RUNDC3B: variants seen among roughly 807,000 people sequenced by gnomAD.
RUNDC3B encodes RUN domain-containing protein 3B.
Under a neutral mutation model 58.4 loss-of-function variants are expected in RUNDC3B, and 33 were observed. That is an observed-to-expected ratio of 0.56 (90% confidence interval 0.43 to 0.75). The LOEUF (loss-of-function observed/expected upper bound fraction) is 0.75, where lower values mean the gene tolerates loss of function less well. Ranked by LOEUF, RUNDC3B falls within the 30% of genes least tolerant of loss-of-function variation. RUNDC3B has a pLI of 0.00. For missense variants in RUNDC3B, 501 were observed against 535.7 expected, an observed-to-expected ratio of 0.94 and a Z score of 0.64; for synonymous variants, 193 against 195.2, an observed-to-expected ratio of 0.99 and a Z score of 0.10.
chr7:87,775,012 G>A (rs531933761), intron 7 of RUNDC3B, among the ~76,000 whole-genome samples: 7 of 152,246 alleles, frequency 4.6e-5, no homozygotes, highest in Admixed American at 1.3e-4. Flanking sequence ...ACTGGTTTAC[G>A]TATTTACTAT....
At chr7:87,798,766 G>A (rs941474448) in intron 8 of RUNDC3B, among the ~76,000 whole-genome samples, 1 of 152,110 alleles carries the variant, frequency 6.6e-6, no homozygotes, top group African/African-American at 2.4e-5. Context: ...TGCAGCCAGG[G>A]TTGAAAACCA....
intron 7 of RUNDC3B, among the ~76,000 whole-genome samples, chr7:87,771,592 C>T (rs1353292678): frequency 1.3e-5 from 2 of 152,132 alleles, no homozygotes; most frequent in Non-Finnish European, 2.9e-5. Flanking sequence ...GCTACTCTCT[C>T]AAGAAAAGGA....
intron 8 of RUNDC3B, among the ~76,000 whole-genome samples, chr7:87,806,942 T>G (rs1439361240): frequency 6.6e-6 from 1 of 152,120 alleles, no homozygotes; most frequent in Non-Finnish European, 1.5e-5. Flanking sequence ...TCACTTTTCC[T>G]TTACTTGAAT....
intron 3 of RUNDC3B, among the ~76,000 whole-genome samples, chr7:87,706,332 T>C (rs1370366284): frequency 6.6e-6 from 1 of 152,080 alleles, no homozygotes; most frequent in Non-Finnish European, 1.5e-5. Context: ...TTCCATTTTA[T>C]AAGATCAGCT....
intron 4 of RUNDC3B, among the ~76,000 whole-genome samples, chr7:87,726,942 C>G (rs543499396): frequency 6.6e-6 from 1 of 152,024 alleles, no homozygotes; most frequent in Non-Finnish European, 1.5e-5. Context: ...GATTTTGTAT[C>G]CTGAGACTTT....
intron 1 of RUNDC3B, among the ~76,000 whole-genome samples, chr7:87,643,864 G>A (rs936521923): frequency 6.6e-6 from 1 of 151,216 alleles, no homozygotes; most frequent in African/African-American, 2.4e-5. Flanking sequence ...AAGAAAGAAG[G>A]GAAATTACTT....
intron 10 of RUNDC3B, among the ~76,000 whole-genome samples, chr7:87,824,229 A>G (rs1176839956): frequency 6.6e-6 from 1 of 152,194 alleles, no homozygotes; most frequent in African/African-American, 2.4e-5. Flanking sequence ...TCTAATAAAG[A>G]AGAAGAAATG....
intron 2 of RUNDC3B, among the ~76,000 whole-genome samples, chr7:87,687,031 T>C (rs1310591929): frequency 6.6e-6 from 1 of 152,080 alleles, no homozygotes; most frequent in Non-Finnish European, 1.5e-5. Context: ...GTAGCACTTA[T>C]TAAAGAAAAA....
intron 2 of RUNDC3B, among the ~76,000 whole-genome samples, chr7:87,659,644 T>G (rs1824490200): frequency 6.6e-6 from 1 of 152,152 alleles, no homozygotes; most frequent in Non-Finnish European, 1.5e-5. Flanking sequence ...GTATTTATAG[T>G]GTAGATACAG....
chr7:87,707,720 C>T (rs1829735202), intron 3 of RUNDC3B, among the ~76,000 whole-genome samples: 1 of 151,768 alleles, frequency 6.6e-6, no homozygotes, highest in African/African-American at 2.4e-5. Flanking sequence ...ATAAATACTG[C>T]AAAATATACA....
intron 2 of RUNDC3B, among the ~76,000 whole-genome samples, chr7:87,664,652 G>T (rs954007323): frequency 2.6e-5 from 4 of 152,258 alleles, no homozygotes; most frequent in Non-Finnish European, 5.9e-5. Context: ...GAATGGAGAT[G>T]ATAGAGGTGC....
At chr7:87,691,487 A>G (rs1563137321) in intron 2 of RUNDC3B, among the ~76,000 whole-genome samples, 1 of 152,170 alleles carries the variant, frequency 6.6e-6, no homozygotes, top group African/African-American at 2.4e-5. Context: ...TTTCTAAGCT[A>G]CATAGTGTTA....
chr7:87,827,950 C>T (rs1045060287), intron 10 of RUNDC3B, among the ~76,000 whole-genome samples: 10 of 152,032 alleles, frequency 6.6e-5, no homozygotes, highest in African/African-American at 1.2e-4. Context: ...CCCAGGAGTT[C>T]CTGACCATTC....
intron 8 of RUNDC3B, among the ~76,000 whole-genome samples, chr7:87,797,926 T>G (rs1241178874): frequency 6.6e-6 from 1 of 152,224 alleles, no homozygotes; most frequent in Non-Finnish European, 1.5e-5. Flanking sequence ...ATTCATAGGT[T>G]AATGTGTCTC....
intron 8 of RUNDC3B, among the ~76,000 whole-genome samples, chr7:87,780,938 AT>A (rs1332464241): frequency 6.6e-6 from 1 of 151,926 alleles, no homozygotes; most frequent in Admixed American, 6.6e-5. Flanking sequence ...CAGCTTTGTT[AT>A]TTTTTATTAG....
chr7:87,730,298 C>T (rs1186552398), intron 4 of RUNDC3B, among the ~76,000 whole-genome samples: 3 of 151,950 alleles, frequency 2.0e-5, no homozygotes, highest in Non-Finnish European at 4.4e-5. Flanking sequence ...CAGTTCTAGG[C>T]CCTGGCTCTT....
intron 3 of RUNDC3B, among the ~76,000 whole-genome samples, chr7:87,708,365 T>A (rs1829787390): frequency 6.6e-6 from 1 of 152,030 alleles, no homozygotes; most frequent in Admixed American, 6.6e-5. Flanking sequence ...ATGAATAACT[T>A]CACATCTATT....
chr7:87,648,779 T>G (rs975519828), intron 1 of RUNDC3B, among the ~76,000 whole-genome samples: 2 of 152,130 alleles, frequency 1.3e-5, no homozygotes, highest in Admixed American at 1.3e-4. Context: ...AAATTATAAT[T>G]TTTACTTAAT....
At chr7:87,668,824 C>T (rs1825535701) in intron 2 of RUNDC3B, among the ~76,000 whole-genome samples, 2 of 152,054 alleles carry the variant, frequency 1.3e-5, no homozygotes, top group African/African-American at 4.8e-5. Context: ...ATTTTTATTG[C>T]TCTGTGATCC....
Sources: gnomAD v4.1 joint callset for allele counts (sites outside exome capture counted in the v4.1 genomes callset) on GRCh38, gnomAD v4.1.1 for gene constraint, MANE v1.5 for transcripts, NCBI Gene and HGNC (gene_info 2026-07-23, HGNC 2026-07-21) for gene names.